BIRC7: variants seen among roughly 807,000 people sequenced by gnomAD.
The protein encoded by BIRC7 is baculoviral IAP repeat containing 7.
A neutral mutation model predicts 33.2 loss-of-function variants in BIRC7; 26 were observed. The observed-to-expected ratio is 0.78, with a 90% CI of 0.57 to 1.09. The LOEUF is 1.09. BIRC7 is among the 50% of genes least tolerant of loss of function. The probability of loss-of-function intolerance (pLI) is 0.00; values close to 1 mark genes in which losing one functional copy is unlikely to be tolerated. For missense variants in BIRC7, 409 were observed against 401.2 expected (o/e 1.02, Z -0.17); for synonymous variants, 176 against 171.0 (o/e 1.03, Z -0.23).
In BIRC7 at chr20:63,238,583, A is replaced by G. The variant is rs149839516; in HGVS notation, c.546A>G (p.Glu182=). The part of the protein sequence containing the change: ...QLLGSWDPWE[E]PEDAAPVAPS... The stretch of plus-strand genomic sequence containing the variant: ...GCTCCTTCCAGGACCCGTGGGAAGA[A>G]CCGGAAGACGCAGCCCCTGTGGCCC... Residue 182 remains glutamate (E), a synonymous_variant, in exon 4 of 7, where the codon GAA becomes GAG. Coordinates refer to ENST00000217169, the MANE Select transcript of BIRC7 (RefSeq NM_139317.3). 14 of 1,612,906 alleles carry G rather than the reference A, an allele frequency of 8.7e-6. No individual in the cohort carries two copies. The African/African-American group carries it at 1.5e-4, about 17-fold the overall frequency.
intron 2 of BIRC7, 96 bp downstream of exon 2, chr20:63,238,098 C>A (rs2066703201): frequency 8.3e-6 from 10 of 1,201,324 alleles, no homozygotes; most frequent in South Asian, 1.6e-5. Context: ...GCTTTGCCTC[C>A]CTGGCCCCAC....
chr20:63,239,040 G>C (rs1007730730), intron 4 of BIRC7, 122 bp from the exon 5 acceptor site: 9 of 1,000,608 alleles, frequency 9.0e-6, no homozygotes, highest in Admixed American at 2.3e-5. Flanking sequence ...CGGGAGCGGG[G>C]ATACTCTGCA....
chr20:63,239,667 G>A, intron 6 of BIRC7, 57 bp downstream of exon 6: 4 of 1,522,082 alleles, frequency 2.6e-6, no homozygotes, highest in East Asian at 2.4e-5. Flanking sequence ...CCCTGAGCCG[G>A]CTGTGCCCGG....
chr20:63,239,558 A>C lies in BIRC7; in HGVS notation c.850A>C (p.Ile284Leu), dbSNP rs753521399. 1.2e-6 allele frequency: 2 copies of C among 1,602,568 alleles called. No homozygotes were observed. The highest frequency in any genetic ancestry group is 1.7e-6 in the Non-Finnish European group (2 of 1,179,612). ...ECAPGLQLCP[I>L]CRAPVRSRVR... is the part of the protein sequence containing the mutation. ...TGCCCCCGGCCTGCAGCTGTGCCCCATCTGCAGAGCCCCCGTCCGCAGCCG... is the reference window on the plus strand; with the variant it reads ...TGCCCCCGGCCTGCAGCTGTGCCCCCTCTGCAGAGCCCCCGTCCGCAGCCG... Residue 284 changes from isoleucine to leucine, a missense_variant, in exon 6 of 7, where the codon ATC becomes CTC. Physicochemically the swap from Ile to Leu is conservative, Grantham distance 5 (BLOSUM62 2). Coordinates refer to ENST00000217169, the MANE Select transcript of BIRC7 (RefSeq NM_139317.3).
In BIRC7 at chr20:63,237,949, G is replaced by A. The variant is rs988073638; in HGVS notation, c.396G>A (p.Gln132=). Residue 132 remains glutamine (Q), a synonymous_variant, in exon 2 of 7, where the codon CAG becomes CAA. Coordinates refer to ENST00000217169, the MANE Select transcript of BIRC7 (RefSeq NM_139317.3). ...GCTTCTTCTGCTATGGGGGCCTGCA[G>A]AGCTGGAAGCGCGGGGACGACCCCT... ...VRCFFCYGGL[Q]SWKRGDDPWT... The A allele has an allele frequency of 1.8e-5, 29 of 1,608,878 alleles. No individual in the cohort carries two copies. In the Admixed American group the frequency reaches 2.7e-4, roughly 15 times the overall value.
At chr20:63,237,855 G>C in intron 1 of BIRC7, 48 bp from the exon 2 acceptor site, 5 of 1,506,062 alleles carry the variant, frequency 3.3e-6, no homozygotes, top group South Asian at 1.3e-5. Flanking sequence ...CCGGGGGCCC[G>C]GGGACTGGGT....
chr20:63,238,053 G>T, intron 2 of BIRC7, 51 bp downstream of exon 2: 1 of 1,442,408 alleles, frequency 6.9e-7, no homozygotes, highest in Non-Finnish European at 9.3e-7. Flanking sequence ...TAGGGGGTGG[G>T]CCCCCAACGG....
At position 63,237,896 on chromosome 20, in the gene BIRC7, AC is replaced by A; in HGVS notation, c.350-3del. ...TTGGCTGGGGCCAGCATCTCTCCGC[AC>A]CCCAGGCCATCAGGACAAGGTGAGG... On this transcript the variant is annotated splice_region_variant and splice_polypyrimidine_tract_variant and intron_variant, in intron 1 of 6. Coordinates refer to ENST00000217169, the MANE Select transcript of BIRC7 (RefSeq NM_139317.3). The A allele has an allele frequency of 6.3e-7, 1 of 1,589,168 alleles. No homozygotes were observed. Among genetic ancestry groups the A allele is most frequent in the African/African-American group, 1.4e-5 (1 of 73,318 alleles).
rs781384192 is a variant in BIRC7 at position 63,239,176 on chromosome 20, T to G, written c.592T>G (p.Tyr198Asp). ...PVAPSVPASG[Y>D]PELPTPRREV... is the part of the protein sequence containing the mutation. Reference sequence around the variant, plus strand: ...ACTGTCCACAGTCCCTGCCTCTGGGTACCCTGAGCTGCCCACACCCAGGAG... The same window carrying G: ...ACTGTCCACAGTCCCTGCCTCTGGGGACCCTGAGCTGCCCACACCCAGGAG... The change falls in exon 5 of 7, where the codon TAC becomes GAC. Residue 198 changes from tyrosine to aspartate, a missense_variant. Physicochemically the swap from Tyr to Asp is radical, Grantham distance 160. Transcript: ENST00000217169. The G allele has an allele frequency of 6.2e-7, 1 of 1,612,580 alleles. No individual in the cohort carries two copies. The highest frequency in any genetic ancestry group is 1.3e-5 in the African/African-American group (1 of 74,880).
At chr20:63,239,115 C>G (rs373651139) in intron 4 of BIRC7, 47 bp from the exon 5 acceptor site, 6 of 1,588,922 alleles carry the variant, frequency 3.8e-6, no homozygotes. Flanking sequence ...GCCGGCCCAG[C>G]TTTCTCCTTG....
intron 6 of BIRC7, among the ~76,000 whole-genome samples, chr20:63,239,959 C>G (rs1047721118): frequency 6.6e-6 from 1 of 152,244 alleles, no homozygotes; most frequent in African/African-American, 2.4e-5. Context: ...TGGGCTTACA[C>G]AAGCGAGACA....
chr20:63,239,539 C>A lies in BIRC7; in HGVS notation c.831C>A (p.Pro277=). ...CGHLVCAECA[P]GLQLCPICRA... is the part of the protein sequence containing the mutation. ...ACCTGGTCTGTGCTGAGTGTGCCCC[C>A]GGCCTGCAGCTGTGCCCCATCTGCA... Residue 277 remains proline, a synonymous_variant, in exon 6 of 7, where the codon CCC becomes CCA. Transcript: ENST00000217169. 6.2e-7 allele frequency: 1 copy of A among 1,604,074 alleles called. No individual in the cohort carries two copies. The highest frequency in any genetic ancestry group is 8.5e-7 in the Non-Finnish European group (1 of 1,179,710).
At chr20:63,238,860 C>A (rs773670187) in intron 4 of BIRC7, 1 of 639,984 alleles carries the variant, frequency 1.6e-6, no homozygotes, top group Non-Finnish European at 2.7e-6. Context: ...TGGGCACAGC[C>A]CATTGCCTGT....
At chr20:63,239,823 G>A (rs1034812450) in intron 6 of BIRC7, among the ~76,000 whole-genome samples, 6 of 152,214 alleles carry the variant, frequency 3.9e-5, no homozygotes, top group African/African-American at 4.8e-5. Context: ...ACCGTGCCCT[G>A]GCGGCCACCA....
intron 2 of BIRC7, 76 bp downstream of exon 2, chr20:63,238,078 C>A: frequency 7.5e-7 from 1 of 1,329,946 alleles, no homozygotes; most frequent in Non-Finnish European, 1.0e-6. Flanking sequence ...GTCGACCCAA[C>A]ACCAGGCCTG....
intron 4 of BIRC7, 29 bp downstream of exon 4, chr20:63,238,643 C>A (rs775750104): frequency 1.2e-6 from 2 of 1,611,082 alleles, no homozygotes. Context: ...CCTGCTGACT[C>A]CTTGTGCGCC....
intron 3 of BIRC7, 41 bp from the exon 4 acceptor site, chr20:63,238,528 T>A: frequency 1.2e-6 from 2 of 1,613,052 alleles, no homozygotes; most frequent in Non-Finnish European, 1.7e-6. Context: ...GTCCTGCCCC[T>A]CCTATTTCCC....
chr20:63,237,848 G>A (rs916222801), intron 1 of BIRC7, 55 bp from the exon 2 acceptor site: 49 of 1,486,508 alleles, frequency 3.3e-5, no homozygotes, highest in Non-Finnish European at 4.3e-5. Context: ...GGACACACCG[G>A]GGGCCCGGGG....
chr20:63,236,938 C>T (rs2066692688), intron 1 of BIRC7, among the ~76,000 whole-genome samples: 1 of 152,238 alleles, frequency 6.6e-6, no homozygotes, highest in African/African-American at 2.4e-5. Flanking sequence ...TCTGGTCTTC[C>T]CCAACTGAAT....
Sources: gnomAD v4.1 joint callset for allele counts (sites outside exome capture counted in the v4.1 genomes callset) on GRCh38, gnomAD v4.1.1 for gene constraint, MANE v1.5 for transcripts, NCBI Gene and HGNC (gene_info 2026-07-23, HGNC 2026-07-21) for gene names.